KCNIP4: variants seen among roughly 807,000 people sequenced by gnomAD.
KCNIP4 encodes Kv channel-interacting protein 4.
KCNIP4 carries 12 observed loss-of-function variants against 34.0 expected under a neutral mutation model. That is an observed-to-expected ratio of 0.35 (90% CI 0.23 to 0.57). The LOEUF is 0.57. KCNIP4 is among the 20% of genes least tolerant of loss of function. KCNIP4 has a pLI of 0.83. For synonymous variants in KCNIP4, 124 were observed against 102.2 expected (o/e 1.21, Z -1.29); for missense variants, 238 against 311.7 (o/e 0.76, Z 1.78).
chr4:20,907,421 G>A (rs1238676423), intron 1 of KCNIP4, among the ~76,000 whole-genome samples: 1 of 152,138 alleles, frequency 6.6e-6, no homozygotes, highest in Non-Finnish European at 1.5e-5. Context: ...TCTATAAAAT[G>A]TAGACAGATA....
intron 1 of KCNIP4, among the ~76,000 whole-genome samples, chr4:21,774,925 A>G (rs1023342470): frequency 1.3e-5 from 2 of 152,056 alleles, no homozygotes; most frequent in African/African-American, 2.4e-5. Context: ...TTTATTACCC[A>G]TCTTCTGAAG....
At chr4:20,853,413 T>C (rs1049759414) in intron 2 of KCNIP4, among the ~76,000 whole-genome samples, 5 of 152,038 alleles carry the variant, frequency 3.3e-5, no homozygotes, top group Non-Finnish European at 7.4e-5. Context: ...TTTCAACAAA[T>C]GGTGCTGGGA....
At chr4:21,359,399 T>G (rs188319880) in intron 1 of KCNIP4, among the ~76,000 whole-genome samples, 2 of 152,220 alleles carry the variant, frequency 1.3e-5, no homozygotes, top group East Asian at 3.9e-4. Flanking sequence ...TCTCATTTTA[T>G]GTATGATTAT....
intron 1 of KCNIP4, among the ~76,000 whole-genome samples, chr4:21,689,790 C>A (rs912602837): frequency 4.6e-5 from 7 of 152,168 alleles, no homozygotes; most frequent in African/African-American, 1.7e-4. Context: ...TCTATGCCCA[C>A]CCTGGCCACT....
At chr4:21,497,988 G>A (rs1197401634) in intron 1 of KCNIP4, among the ~76,000 whole-genome samples, 1 of 151,994 alleles carries the variant, frequency 6.6e-6, no homozygotes, top group African/African-American at 2.4e-5. Flanking sequence ...TATAATGTTG[G>A]TACAGAGCAA....
At position 21,241,376 on chromosome 4, in the gene KCNIP4, GCTT is replaced by G. The variant is rs1243301132; in HGVS notation, c.62-358670_62-358668del. The stretch of plus-strand genomic sequence containing the variant: ...TCAGTTAAAGATGTTATTTTGAAAT[GCTT>G]CTTCTTTTGAGTGGTGAACACTTCT... On this transcript the variant is annotated intron_variant, in intron 1 of 8. Transcript: ENST00000382152. 3.3e-5 allele frequency among the ~76,000 whole-genome samples: 5 copies of G among 152,228 alleles called. No homozygotes were observed. The South Asian group carries it at 6.2e-4, about 19-fold the overall frequency.
At chr4:21,468,820 G>A (rs1291957774) in intron 1 of KCNIP4, among the ~76,000 whole-genome samples, 2 of 151,932 alleles carry the variant, frequency 1.3e-5, no homozygotes, top group Non-Finnish European at 1.5e-5. Flanking sequence ...TTTTGCTAGC[G>A]CACTTTTTTA....
chr4:21,552,651 G>A (rs1738675684), intron 1 of KCNIP4, among the ~76,000 whole-genome samples: 1 of 152,116 alleles, frequency 6.6e-6, no homozygotes, highest in South Asian at 2.1e-4. Flanking sequence ...CGGGATAGAG[G>A]TTGAGGAGGA....
chr4:21,752,878 C>A (rs1432833736), intron 1 of KCNIP4, among the ~76,000 whole-genome samples: 1 of 152,164 alleles, frequency 6.6e-6, no homozygotes, highest in Non-Finnish European at 1.5e-5. Context: ...AGAAATTTTT[C>A]ATTGAGCTAT....
At chr4:21,061,986 G>T (rs563122117) in intron 1 of KCNIP4, among the ~76,000 whole-genome samples, 2 of 152,136 alleles carry the variant, frequency 1.3e-5, no homozygotes, top group Non-Finnish European at 2.9e-5. Context: ...AATCTATCTT[G>T]TTCACATCTT....
At chr4:20,864,411 A>G (rs922176427) in intron 2 of KCNIP4, among the ~76,000 whole-genome samples, 24 of 151,428 alleles carry the variant, frequency 1.6e-4, no homozygotes, top group African/African-American at 5.3e-4. Context: ...TATAACATAT[A>G]TATACATACA....
chr4:21,119,860 T>C (rs1373321098), intron 1 of KCNIP4, among the ~76,000 whole-genome samples: 1 of 152,168 alleles, frequency 6.6e-6, no homozygotes, highest in Non-Finnish European at 1.5e-5. Context: ...GCTAGAGTTG[T>C]GTGTGCTCCT....
intron 1 of KCNIP4, among the ~76,000 whole-genome samples, chr4:21,520,615 G>A (rs1735439972): frequency 6.6e-6 from 1 of 152,160 alleles, no homozygotes; most frequent in South Asian, 2.1e-4. Context: ...TGATGTTTCA[G>A]TACAGTGTGT....
intron 1 of KCNIP4, among the ~76,000 whole-genome samples, chr4:20,939,704 T>C (rs938998535): frequency 3.3e-5 from 5 of 152,250 alleles, no homozygotes; most frequent in Non-Finnish European, 7.4e-5. Flanking sequence ...AAACAGCACA[T>C]ACATCTGTGC....
intron 1 of KCNIP4, among the ~76,000 whole-genome samples, chr4:21,225,103 T>G (rs1002201152): frequency 2.0e-5 from 3 of 152,152 alleles, no homozygotes; most frequent in Non-Finnish European, 4.4e-5. Context: ...TTAAATGCAT[T>G]TTTGACTAAT....
chr4:21,215,033 A>G (rs546806711), intron 1 of KCNIP4, among the ~76,000 whole-genome samples: 1 of 152,266 alleles, frequency 6.6e-6, no homozygotes, highest in East Asian at 2.0e-4. Context: ...TTATCTACTG[A>G]ATCGTAACAG....
At chr4:21,610,340 C>T (rs538273412) in intron 1 of KCNIP4, among the ~76,000 whole-genome samples, 7 of 152,296 alleles carry the variant, frequency 4.6e-5, no homozygotes, top group African/African-American at 1.7e-4. Context: ...AATCTTCACC[C>T]TTTGTCTTCA....
At chr4:20,947,800 C>G (rs936889611) in intron 1 of KCNIP4, among the ~76,000 whole-genome samples, 1 of 152,186 alleles carries the variant, frequency 6.6e-6, no homozygotes, top group Non-Finnish European at 1.5e-5. Flanking sequence ...TAACTACACA[C>G]GGCAGCTCCT....
chr4:20,792,894 T>C (rs2149406170), intron 3 of KCNIP4, among the ~76,000 whole-genome samples: 1 of 152,304 alleles, frequency 6.6e-6, no homozygotes, highest in Non-Finnish European at 1.5e-5. Flanking sequence ...AGCAGTACTA[T>C]CCACCAACTT....
Sources: allele counts gnomAD v4.1 joint callset (sites outside exome capture counted in the v4.1 genomes callset), GRCh38; gene constraint gnomAD v4.1.1; transcripts MANE v1.5; gene names NCBI Gene and HGNC (gene_info 2026-07-23, HGNC 2026-07-21).